Variants in MYT1L observed in about 807,000 individuals in gnomAD.
MYT1L encodes myelin transcription factor 1 like, also known as myelin transcription factor 1-like protein.
A neutral mutation model predicts 126.7 loss-of-function variants in MYT1L; 12 were observed. The ratio of observed to expected loss-of-function variants is 0.09; its 90% CI spans 0.06 to 0.15. MYT1L has a LOEUF of 0.15. Among genes scored for constraint, MYT1L ranks in the 10% least tolerant of loss-of-function variants. The pLI is 1.00. For synonymous variants in MYT1L, 541 were observed against 604.2 expected, an observed-to-expected ratio of 0.90 and a Z score of 1.53; for missense variants, 979 against 1,585.2, an observed-to-expected ratio of 0.62 and a Z score of 6.49.
At chr2:1,826,354 G>A (rs1176854678) in intron 21 of MYT1L, among the ~76,000 whole-genome samples, 1 of 152,162 alleles carries the variant, frequency 6.6e-6, no homozygotes, top group Non-Finnish European at 1.5e-5. Flanking sequence ...TGCTTGCCAG[G>A]TCCTGGGGAG....
intron 23 of MYT1L, among the ~76,000 whole-genome samples, chr2:1,800,877 T>G (rs1365040581): frequency 6.6e-6 from 1 of 151,364 alleles, no homozygotes; most frequent in Non-Finnish European, 1.5e-5. Context: ...CACCGTGGCC[T>G]GCTGGGGAGG....
intron 21 of MYT1L, among the ~76,000 whole-genome samples, chr2:1,829,333 A>G (rs112928442): frequency 1.9e-3 from 149 of 77,506 alleles, no homozygotes; most frequent in East Asian, 3.2e-3. Context: ...ACCCTCCCAT[A>G]CACCTGTGAA....
chr2:2,312,041 G>A (rs2095980892), intron 1 of MYT1L, among the ~76,000 whole-genome samples: 1 of 152,198 alleles, frequency 6.6e-6, no homozygotes, highest in South Asian at 2.1e-4. Flanking sequence ...ATTTGTGGGT[G>A]ACAGTGAAGA....
chr2:2,011,483 T>C lies in MYT1L; in HGVS notation c.-157-14136A>G, dbSNP rs78993068. Among the ~76,000 whole-genome samples the C allele has an allele frequency of 8.6e-3, 1,290 of 150,292 alleles. 25 individuals carry two copies. Among genetic ancestry groups the C allele is most frequent in the African/African-American group, 0.029 (1,209 of 41,124 alleles). On this transcript the variant is annotated intron_variant, in intron 4 of 24. Transcript: ENST00000647738. ...TCAGATTTGGCAACATATTCTTAAA[T>C]ATGACAACAAAAGCATGAGCAATTA...
intron 3 of MYT1L, among the ~76,000 whole-genome samples, chr2:2,164,045 T>C (rs564759486): frequency 6.6e-6 from 1 of 152,158 alleles, no homozygotes; most frequent in African/African-American, 2.4e-5. Flanking sequence ...AGAATACATA[T>C]AATTTATATA....
Position 2,027,444 on chromosome 2 carries a change from C to T in MYT1L, c.-158+26534G>A, listed in dbSNP as rs892663321. 3.9e-5 allele frequency among the ~76,000 whole-genome samples: 6 copies of T among 152,252 alleles called. No individual in the cohort carries two copies. The East Asian group carries it at 7.7e-4, about 20-fold the overall frequency. On this transcript the variant is annotated intron_variant, in intron 4 of 24. Transcript: ENST00000647738. ...GGTTGGCGAAAGGCACAGACGCTGC[C>T]GGATGACCCCCGGCCATTCTTGGAT...
rs1003233189 is a variant in MYT1L at position 1,910,178 on chromosome 2, C to T, written c.1817+62G>A. The T allele has an allele frequency of 4.4e-5, 64 of 1,456,698 alleles. No homozygotes were observed. The highest frequency in any genetic ancestry group is 5.3e-5 in the Non-Finnish European group (56 of 1,049,916). 90.2% of individuals were successfully genotyped at this position (1,456,698 alleles called of 1,614,324 possible). On this transcript the variant is annotated intron_variant, in intron 13 of 24. Transcript: ENST00000647738. The surrounding 1 kb of genome is among the most constrained non-coding windows in gnomAD (Gnocchi z 4.8). ...ACATGCCCTGAGCGGGTGTCCCCAG[C>T]GCTCCGAGGTGTGGGGCAGACTATG...
At chr2:2,004,351 G>A (rs186265943) in intron 4 of MYT1L, among the ~76,000 whole-genome samples, 1,120 of 65,616 alleles carry the variant, frequency 0.017, 30 homozygotes, top group East Asian at 0.068. Flanking sequence ...TCTTTCCTGC[G>A]TGCCTTCTTT....
chr2:2,076,812 AC>A (rs2075278577), intron 3 of MYT1L, among the ~76,000 whole-genome samples: 1 of 16,922 alleles, frequency 5.9e-5, no homozygotes, highest in Non-Finnish European at 9.3e-5. Flanking sequence ...AAAGTATGAC[AC>A]ACACACACAC....
At chr2:2,158,805 G>C (rs1302726696) in intron 3 of MYT1L, among the ~76,000 whole-genome samples, 2 of 152,034 alleles carry the variant, frequency 1.3e-5, no homozygotes, top group African/African-American at 4.8e-5. Context: ...ATGATGACAC[G>C]TGTCTTTCAC....
chr2:1,942,380 G>A lies in MYT1L; in HGVS notation c.505+602C>T, dbSNP rs538261075. ...TCTCCCTGGCATGTCTCAGAGCACC[G>A]GAAACCCCAGATCAGAAACAGCTCT... On this transcript the variant is annotated intron_variant, in intron 9 of 24. Transcript: ENST00000647738. 1.1e-4 allele frequency among the ~76,000 whole-genome samples: 16 copies of A among 152,242 alleles called. No homozygotes were observed. The South Asian group carries it at 2.7e-3, about 26-fold the overall frequency.
At chr2:2,315,948 T>A (rs2096058240) in intron 1 of MYT1L, among the ~76,000 whole-genome samples, 1 of 152,234 alleles carries the variant, frequency 6.6e-6, no homozygotes, top group South Asian at 2.1e-4. Flanking sequence ...TATTTTCATA[T>A]GAGAAGCATT....
intron 2 of MYT1L, among the ~76,000 whole-genome samples, chr2:2,186,122 C>G (rs1295014959): frequency 7.3e-6 from 1 of 137,098 alleles, no homozygotes; most frequent in Non-Finnish European, 1.5e-5. Context: ...CGGAGTCCCG[C>G]GTTCCTTCCG....
In MYT1L at chr2:2,269,700, C is replaced by G. The variant is rs568877595; in HGVS notation, c.-421+14704G>C. On this transcript the variant is annotated intron_variant, in intron 2 of 24. Transcript: ENST00000647738. ...TGTGCTCCCCGGCAAGCCCTCACAG[C>G]TCAGCCTGGTATCAAGGCTCTCACG... Among the ~76,000 whole-genome samples, 339 of 152,280 alleles carry G rather than the reference C, an allele frequency of 2.2e-3. 3 individuals carry two copies. Among genetic ancestry groups the G allele is most frequent in the African/African-American group, 7.7e-3 (321 of 41,568 alleles).
chr2:2,264,846 CT>C (rs1406914582), intron 2 of MYT1L, among the ~76,000 whole-genome samples: 4 of 152,222 alleles, frequency 2.6e-5, no homozygotes, highest in Admixed American at 1.3e-4. Flanking sequence ...AATTCAGCAA[CT>C]TTTTTTAAAA....
intron 4 of MYT1L, among the ~76,000 whole-genome samples, chr2:2,009,079 T>C (rs2063581029): frequency 6.6e-6 from 1 of 152,134 alleles, no homozygotes; most frequent in Admixed American, 6.5e-5. Flanking sequence ...TGCTTTAATA[T>C]CTATAGCTTT....
Position 1,922,343 on chromosome 2 carries a change from C to T in MYT1L, c.1426G>A (p.Glu476Lys). Reference sequence around the variant, plus strand: ...TCACTGGATTTAGGCTTTCTGTCCTCCCCGGGAAGTTGTCTCGGAGACTGG... The same window carrying T: ...TCACTGGATTTAGGCTTTCTGTCCTTCCCGGGAAGTTGTCTCGGAGACTGG... Reference protein sequence around the residue: ...EDQSPRQLPGEDRKPKSSDSH... With the variant: ...EDQSPRQLPGKDRKPKSSDSH... The change falls in exon 10 of 25, where the codon GAG becomes AAG. Residue 476 changes from glutamate (E) to lysine (K), a missense_variant. Glu to Lys is a moderately conservative substitution (Grantham distance 56). This residue lies in a region of MYT1L where 67 missense variants were observed against 80.3 expected (regional missense o/e 0.83). Coordinates refer to ENST00000647738, the MANE Select transcript of MYT1L (RefSeq NM_001303052.2). This position sits in a 1 kb window ranked among gnomAD's most constrained non-coding sequence, Gnocchi z 7.4. 6.2e-7 allele frequency: 1 copy of T among 1,613,958 alleles called. No homozygotes were observed. Among genetic ancestry groups the T allele is most frequent in the Non-Finnish European group, 8.5e-7 (1 of 1,179,874 alleles).
At chr2:2,087,134 G>A (rs1047818128) in intron 3 of MYT1L, among the ~76,000 whole-genome samples, 1 of 152,146 alleles carries the variant, frequency 6.6e-6, no homozygotes, top group South Asian at 2.1e-4. Context: ...AGAGCCCACA[G>A]TTTATCATCC....
chr2:1,794,670 G>C (rs1370818202), intron 23 of MYT1L, among the ~76,000 whole-genome samples: 1 of 152,228 alleles, frequency 6.6e-6, no homozygotes, highest in Non-Finnish European at 1.5e-5. Flanking sequence ...CCCTTCTGCA[G>C]AGGCAGAGAT....
Sources: gnomAD v4.1 joint callset for allele counts (sites outside exome capture counted in the v4.1 genomes callset) on GRCh38, gnomAD v4.1.1 for gene constraint, gnomAD v4.1.1 regional missense constraint, Gnocchi (gnomAD v3.1) non-coding constraint, MANE v1.5 for transcripts, NCBI Gene and HGNC (gene_info 2026-07-23, HGNC 2026-07-21) for gene names.